PTPRD: variants seen among roughly 807,000 people sequenced by gnomAD.
PTPRD encodes the protein receptor-type tyrosine-protein phosphatase delta.
Under a neutral mutation model 214.5 loss-of-function variants are expected in PTPRD, and 34 were observed. The observed-to-expected ratio is 0.16, with a 90% CI of 0.12 to 0.21. The LOEUF is 0.21. PTPRD is among the 10% of genes least tolerant of loss of function. The pLI is 1.00. For synonymous variants in PTPRD, 1,128 were observed against 845.7 expected, an observed-to-expected ratio of 1.33 and a Z score of -5.79; for missense variants, 2,545 against 2,398.7, an observed-to-expected ratio of 1.06 and a Z score of -1.27.
At chr9:10,330,823 T>G (rs1236137882) in intron 3 of PTPRD, among the ~76,000 whole-genome samples, 1 of 151,856 alleles carries the variant, frequency 6.6e-6, no homozygotes, top group Non-Finnish European at 1.5e-5. Flanking sequence ...CTTAAGCTCC[T>G]TTGATTCTCC....
chr9:8,845,884 A>G (rs545529897), intron 11 of PTPRD, among the ~76,000 whole-genome samples: 22 of 152,350 alleles, frequency 1.4e-4, no homozygotes, highest in Non-Finnish European at 2.4e-4. Flanking sequence ...GGTCATTTGA[A>G]TAACAACAGA....
At chr9:9,116,980 G>T (rs552730977) in intron 10 of PTPRD, among the ~76,000 whole-genome samples, 13 of 152,232 alleles carry the variant, frequency 8.5e-5, no homozygotes, top group African/African-American at 2.6e-4. Context: ...TAAATGCTCA[G>T]GGTGTGTGTG....
At chr9:8,850,156 G>A (rs998644039) in intron 11 of PTPRD, among the ~76,000 whole-genome samples, 22 of 152,136 alleles carry the variant, frequency 1.4e-4, no homozygotes, top group Non-Finnish European at 1.2e-4. Context: ...AAAATACAAT[G>A]TTTGGGATAC....
chr9:10,440,345 G>C (rs886756234), intron 2 of PTPRD, among the ~76,000 whole-genome samples: 7 of 151,698 alleles, frequency 4.6e-5, no homozygotes, highest in African/African-American at 1.7e-4. Context: ...TTTTTAAAAA[G>C]AGCTTCTTCA....
At chr9:10,577,928 T>G (rs1263628099) in intron 2 of PTPRD, among the ~76,000 whole-genome samples, 1 of 151,780 alleles carries the variant, frequency 6.6e-6, no homozygotes, top group Non-Finnish European at 1.5e-5. Context: ...TTTTTTTTTT[T>G]TTTGAGACAG....
chr9:9,100,390 G>A (rs984549120), intron 10 of PTPRD, among the ~76,000 whole-genome samples: 1 of 152,146 alleles, frequency 6.6e-6, no homozygotes, highest in Admixed American at 6.5e-5. Flanking sequence ...CTTTGAAAAT[G>A]TATCTGTAGT....
intron 4 of PTPRD, among the ~76,000 whole-genome samples, chr9:9,996,384 TATGGGAGAGG>T (rs2096123538): frequency 6.6e-6 from 1 of 152,092 alleles, no homozygotes; most frequent in Non-Finnish European, 1.5e-5. Context: ...AAGCTCTCAG[TATGGGAGAGG>T]CTGATAAAAT....
intron 9 of PTPRD, among the ~76,000 whole-genome samples, chr9:9,275,142 T>C (rs1303752476): frequency 1.5e-5 from 1 of 66,674 alleles, no homozygotes; most frequent in Non-Finnish European, 2.5e-5. Flanking sequence ...ATATAATATA[T>C]ATATAATATA....
At chr9:9,071,967 C>T (rs1315009461) in intron 10 of PTPRD, among the ~76,000 whole-genome samples, 5 of 152,138 alleles carry the variant, frequency 3.3e-5, no homozygotes, top group Admixed American at 2.0e-4. Context: ...TGCAGTCTTG[C>T]TTCACACATC....
chr9:8,849,737 A>C (rs2097776041), intron 11 of PTPRD, among the ~76,000 whole-genome samples: 1 of 152,208 alleles, frequency 6.6e-6, no homozygotes, highest in African/African-American at 2.4e-5. Flanking sequence ...GCACAAGGGC[A>C]GAGTATCACA....
intron 9 of PTPRD, among the ~76,000 whole-genome samples, chr9:9,392,604 T>G (rs2066259013): frequency 6.6e-6 from 1 of 152,154 alleles, no homozygotes; most frequent in African/African-American, 2.4e-5. Context: ...GCTGTGACTC[T>G]AGGGTAATTT....
intron 11 of PTPRD, among the ~76,000 whole-genome samples, chr9:8,792,786 T>C (rs934275311): frequency 2.0e-5 from 3 of 152,152 alleles, no homozygotes; most frequent in African/African-American, 2.4e-5. Flanking sequence ...AGACACACTT[T>C]CCTTTTTTGC....
In PTPRD at chr9:9,958,420, A is replaced by G. The variant is rs943656516; in HGVS notation, c.-471-19810T>C. ...GTGGCACGCACCTGTAATACCAGCTACTAGGGAGACTGAGGCAGGAGAATT... is the reference window on the plus strand; with the variant it reads ...GTGGCACGCACCTGTAATACCAGCTGCTAGGGAGACTGAGGCAGGAGAATT... On this transcript the variant is annotated intron_variant, in intron 4 of 45. Transcript: ENST00000381196. 1.1e-4 allele frequency among the ~76,000 whole-genome samples: 16 copies of G among 152,290 alleles called. 1 individual carries two copies. The highest frequency in any genetic ancestry group is 3.6e-4 in the African/African-American group (15 of 41,574).
intron 11 of PTPRD, among the ~76,000 whole-genome samples, chr9:8,991,546 C>T (rs1465380118): frequency 6.6e-6 from 1 of 152,082 alleles, no homozygotes; most frequent in Admixed American, 6.6e-5. Flanking sequence ...TGTGTATCTA[C>T]ATATTCCTAG....
chr9:9,788,851 C>G (rs921949894), intron 5 of PTPRD, among the ~76,000 whole-genome samples: 1 of 151,848 alleles, frequency 6.6e-6, no homozygotes, highest in Non-Finnish European at 1.5e-5. Context: ...AACTATCTAA[C>G]TCTTCTTTCA....
chr9:8,791,978 G>A (rs536091494), intron 11 of PTPRD, among the ~76,000 whole-genome samples: 1 of 152,290 alleles, frequency 6.6e-6, no homozygotes, highest in East Asian at 1.9e-4. Context: ...GTCAGGGACT[G>A]AAGAGGTAAT....
intron 9 of PTPRD, among the ~76,000 whole-genome samples, chr9:9,375,554 C>T (rs1158714689): frequency 6.6e-6 from 1 of 152,082 alleles, no homozygotes; most frequent in Non-Finnish European, 1.5e-5. Context: ...CAAGATTGCG[C>T]CACTGCACTC....
intron 2 of PTPRD, among the ~76,000 whole-genome samples, chr9:10,550,011 G>C (rs895624925): frequency 6.6e-6 from 1 of 152,110 alleles, no homozygotes; most frequent in East Asian, 1.9e-4. Flanking sequence ...CAGGATTGAT[G>C]AGGATGGATA....
At chr9:9,183,444 C>T (rs1484333583) in intron 9 of PTPRD, 81 bp from the exon 10 acceptor site, 3 of 151,822 alleles carry the variant, frequency 2.0e-5, no homozygotes, top group African/African-American at 7.3e-5. Flanking sequence ...TGCTGTCACC[C>T]CATTTTTTAG....
Sources: gnomAD v4.1 joint callset for allele counts (sites outside exome capture counted in the v4.1 genomes callset) on GRCh38, gnomAD v4.1.1 for gene constraint, MANE v1.5 for transcripts, NCBI Gene and HGNC (gene_info 2026-07-23, HGNC 2026-07-21) for gene names.